Variants in SNX29 observed in about 807,000 individuals in gnomAD.
The protein encoded by SNX29 is sorting nexin-29.
A neutral mutation model predicts 102.1 loss-of-function variants in SNX29; 78 were observed. The observed-to-expected ratio is 0.76, with a 90% CI of 0.64 to 0.92. The LOEUF is 0.92. Among genes scored for constraint, SNX29 ranks in the 40% least tolerant of loss-of-function variants. SNX29 has a pLI of 0.00. For missense variants in SNX29, 1,280 were observed against 1,061.7 expected, an observed-to-expected ratio of 1.21 and a Z score of -2.86; for synonymous variants, 580 against 414.5, an observed-to-expected ratio of 1.40 and a Z score of -4.85.
At chr16:12,178,776 C>T (rs1250572688) in intron 13 of SNX29, among the ~76,000 whole-genome samples, 1 of 152,142 alleles carries the variant, frequency 6.6e-6, no homozygotes, top group Non-Finnish European at 1.5e-5. Context: ...ATTTTCTTTT[C>T]TTTGTACAGT....
intron 20 of SNX29, among the ~76,000 whole-genome samples, chr16:12,537,479 A>T (rs564372461): frequency 1.2e-4 from 18 of 152,182 alleles, no homozygotes; most frequent in Non-Finnish European, 2.5e-4. Context: ...CATCTATAAA[A>T]TTGGTGATAG....
chr16:12,246,196 A>G (rs1294368848), intron 14 of SNX29, among the ~76,000 whole-genome samples: 3 of 152,062 alleles, frequency 2.0e-5, no homozygotes, highest in Non-Finnish European at 4.4e-5. Flanking sequence ...TTAACATGGA[A>G]ATAAGGTCTC....
chr16:12,265,018 T>C (rs545223609), intron 14 of SNX29, among the ~76,000 whole-genome samples: 1 of 152,328 alleles, frequency 6.6e-6, no homozygotes, highest in Non-Finnish European at 1.5e-5. Context: ...TTTCTGTTTT[T>C]GTTTTTGTTT....
chr16:12,483,490 T>C (rs1394924316), intron 19 of SNX29, among the ~76,000 whole-genome samples: 1 of 151,666 alleles, frequency 6.6e-6, no homozygotes, highest in Non-Finnish European at 1.5e-5. Flanking sequence ...GTAATTTTTG[T>C]ATTTTTTGTA....
chr16:12,226,215 A>G (rs2077607613), intron 14 of SNX29, among the ~76,000 whole-genome samples: 1 of 152,214 alleles, frequency 6.6e-6, no homozygotes, highest in South Asian at 2.1e-4. Flanking sequence ...TGCAGAATAA[A>G]TCGAATTAAT....
intron 13 of SNX29, among the ~76,000 whole-genome samples, chr16:12,173,601 C>T (rs1345963500): frequency 6.6e-6 from 1 of 152,178 alleles, no homozygotes; most frequent in Non-Finnish European, 1.5e-5. Context: ...ACGTCCCAAT[C>T]AGGAGAAGCT....
chr16:12,535,100 C>G (rs981842528), intron 20 of SNX29, among the ~76,000 whole-genome samples: 1 of 152,176 alleles, frequency 6.6e-6, no homozygotes, highest in Admixed American at 6.5e-5. Context: ...GAGAAACCAA[C>G]ATGTATTTAG....
intron 14 of SNX29, among the ~76,000 whole-genome samples, chr16:12,229,599 GT>G (rs113574666): frequency 9.5e-4 from 137 of 144,642 alleles, no homozygotes; most frequent in East Asian, 2.4e-3. Flanking sequence ...GAATGGTGGG[GT>G]TTTTTTTTTT....
chr16:12,560,976 C>T (rs757880259), intron 20 of SNX29: 1 of 213,696 alleles, frequency 4.7e-6, no homozygotes, highest in Admixed American at 5.9e-5. Context: ...TCAAGGAACC[C>T]TTGGGTACTG....
At chr16:12,515,979 A>C (rs1426603499) in intron 19 of SNX29, among the ~76,000 whole-genome samples, 1 of 152,058 alleles carries the variant, frequency 6.6e-6, no homozygotes, top group East Asian at 1.9e-4. Flanking sequence ...GCTCCCAGAG[A>C]AAGGGGAAGG....
chr16:12,406,279 G>A (rs1351428946), intron 18 of SNX29, among the ~76,000 whole-genome samples: 1 of 152,234 alleles, frequency 6.6e-6, no homozygotes, highest in East Asian at 1.9e-4. Context: ...AAAGGGAAAT[G>A]TGGTTATTTG....
chr16:12,462,350 A>G lies in SNX29; in HGVS notation c.2038-15369A>G, dbSNP rs369833537. ...ACCTCTACAGTTTAGTCTTCATCCA[A>G]TTGTATCTGGGGAGAAGAGGGAGGA... On this transcript the variant is annotated intron_variant, in intron 18 of 20. Coordinates refer to ENST00000566228, the MANE Select transcript of SNX29 (RefSeq NM_032167.5). 3.6e-4 allele frequency among the ~76,000 whole-genome samples: 55 copies of G among 152,196 alleles called. No homozygotes were observed. In the East Asian group the frequency reaches 7.9e-3, roughly 22 times the overall value.
chr16:12,477,007 T>A (rs2087685795), intron 18 of SNX29, among the ~76,000 whole-genome samples: 1 of 152,184 alleles, frequency 6.6e-6, no homozygotes, highest in Non-Finnish European at 1.5e-5. Flanking sequence ...TCTCTCCTGC[T>A]TCTCTGTTTT....
intron 13 of SNX29, among the ~76,000 whole-genome samples, chr16:12,146,915 A>G (rs1305456230): frequency 6.6e-6 from 1 of 152,220 alleles, no homozygotes; most frequent in African/African-American, 2.4e-5. Context: ...TTTCCTAGAT[A>G]GTTTTTTAAA....
chr16:12,083,500 C>T (rs147785681), intron 11 of SNX29, among the ~76,000 whole-genome samples: 2 of 152,178 alleles, frequency 1.3e-5, no homozygotes, highest in African/African-American at 4.8e-5. Context: ...CTTATAAGGG[C>T]ACCGGTCCTG....
chr16:12,116,206 C>T (rs1010020423), intron 11 of SNX29, among the ~76,000 whole-genome samples: 8 of 152,204 alleles, frequency 5.3e-5, no homozygotes, highest in Non-Finnish European at 7.3e-5. Flanking sequence ...TCTAGGTACA[C>T]ATCCAAAAGA....
At position 12,078,920 on chromosome 16, in the gene SNX29, G is replaced by GT. The variant is rs1200538907; in HGVS notation, c.1402+6dup. ...TGCCAGAGTCCATGACAATTAGTAA[G>GT]TACTTTCGCAGCCCCCTCCACCAGC... On this transcript the variant is annotated splice_donor_region_variant and intron_variant, in intron 11 of 20. Transcript: ENST00000566228. 1 of 1,595,422 alleles carries GT rather than the reference G, an allele frequency of 6.3e-7. No homozygotes were observed. The highest frequency in any genetic ancestry group is 1.1e-5 in the South Asian group (1 of 87,718).
chr16:12,168,192 C>T (rs1225358551), intron 13 of SNX29, among the ~76,000 whole-genome samples: 16 of 152,054 alleles, frequency 1.1e-4, no homozygotes, highest in Non-Finnish European at 2.9e-5. Context: ...ACACAGGCAG[C>T]GAGTGCTTGC....
intron 16 of SNX29, among the ~76,000 whole-genome samples, chr16:12,368,870 A>G (rs534179942): frequency 1.3e-5 from 2 of 152,322 alleles, no homozygotes; most frequent in South Asian, 4.1e-4. Flanking sequence ...GTTACCACCC[A>G]TTCCTTCTTG....
Sources: allele counts gnomAD v4.1 joint callset (sites outside exome capture counted in the v4.1 genomes callset), GRCh38; gene constraint gnomAD v4.1.1; transcripts MANE v1.5; gene names NCBI Gene and HGNC (gene_info 2026-07-23, HGNC 2026-07-21).